THADA: variants seen among roughly 807,000 people sequenced by gnomAD.
The protein encoded by THADA is tRNA (32-2'-O)-methyltransferase regulator THADA.
THADA carries 213 observed loss-of-function variants against 219.8 expected under a neutral mutation model. The ratio of observed to expected loss-of-function variants is 0.97; its 90% CI spans 0.87 to 1.09. The LOEUF (loss-of-function observed/expected upper bound fraction) is 1.09, where lower values mean the gene tolerates loss of function less well. Ranked by LOEUF, THADA falls within the 50% of genes least tolerant of loss-of-function variation. The pLI, the probability that THADA is intolerant of heterozygous loss-of-function variation, is 0.00. For missense variants in THADA, 2,956 were observed against 2,311.3 expected (o/e 1.28, Z -5.72); for synonymous variants, 1,018 against 828.9 (o/e 1.23, Z -3.92).
At chr2:43,273,612 A>G (rs1449223914) in intron 36 of THADA, among the ~76,000 whole-genome samples, 2 of 152,104 alleles carry the variant, frequency 1.3e-5, no homozygotes, top group African/African-American at 4.8e-5. Context: ...GGAACTGAAA[A>G]AAGCACAGGG....
At chr2:43,460,238 T>TAAAAAA (rs10560565) in intron 26 of THADA, among the ~76,000 whole-genome samples, 10 of 63,540 alleles carry the variant, frequency 1.6e-4, no homozygotes, top group Admixed American at 2.2e-4. Flanking sequence ...TTTCTCTTAA[T>TAAAAAA]AAAAAAAAAA....
At chr2:43,583,596 G>A (rs1485661015) in intron 7 of THADA, among the ~76,000 whole-genome samples, 11 of 152,166 alleles carry the variant, frequency 7.2e-5, no homozygotes, top group Non-Finnish European at 1.5e-5. Context: ...GAGACTCAAA[G>A]ATATACTTGT....
At chr2:43,534,849 G>A (rs551213483) in intron 21 of THADA, among the ~76,000 whole-genome samples, 2 of 152,138 alleles carry the variant, frequency 1.3e-5, no homozygotes, top group African/African-American at 4.8e-5. Flanking sequence ...CCTTCTCCTT[G>A]GATAAATGCC....
intron 9 of THADA, among the ~76,000 whole-genome samples, chr2:43,578,175 C>A (rs1574341931): frequency 1.3e-5 from 2 of 150,188 alleles, no homozygotes; most frequent in East Asian, 3.9e-4. Flanking sequence ...TTTTAAGAGA[C>A]AAGGTCTCAC....
intron 8 of THADA, among the ~76,000 whole-genome samples, chr2:43,580,732 T>C (rs1434695305): frequency 1.3e-5 from 2 of 151,296 alleles, no homozygotes; most frequent in African/African-American, 4.9e-5. Flanking sequence ...AAAAAAAAAT[T>C]AGCCAGGCGT....
chr2:43,371,788 C>G (rs919944343), intron 29 of THADA, among the ~76,000 whole-genome samples: 1 of 152,132 alleles, frequency 6.6e-6, no homozygotes, highest in Non-Finnish European at 1.5e-5. Context: ...AACCTCCACA[C>G]GCAATTTGGC....
intron 28 of THADA, among the ~76,000 whole-genome samples, chr2:43,404,223 C>T (rs960739784): frequency 3.3e-5 from 5 of 152,022 alleles, no homozygotes; most frequent in Non-Finnish European, 4.4e-5. Context: ...GACAGGGTCT[C>T]GCTCTGTCAC....
intron 10 of THADA, 56 bp from the exon 11 acceptor site, chr2:43,575,083 C>T: frequency 8.0e-7 from 1 of 1,253,792 alleles, no homozygotes; most frequent in South Asian, 1.8e-5. Context: ...AAAGAAATTT[C>T]ATTTTATAAC....
intron 26 of THADA, among the ~76,000 whole-genome samples, chr2:43,479,155 C>G (rs1386662467): frequency 6.6e-6 from 1 of 152,160 alleles, no homozygotes; most frequent in East Asian, 1.9e-4. Flanking sequence ...AATTAAAGCA[C>G]CTCTTTGAGA....
chr2:43,308,575 G>A (rs907128503), intron 31 of THADA, among the ~76,000 whole-genome samples: 2 of 151,866 alleles, frequency 1.3e-5, no homozygotes, highest in Non-Finnish European at 2.9e-5. Context: ...GGTGGCATGT[G>A]CCTGTAGTCC....
At chr2:43,416,263 C>A (rs1430007896) in intron 28 of THADA, among the ~76,000 whole-genome samples, 1 of 152,152 alleles carries the variant, frequency 6.6e-6, no homozygotes, top group Non-Finnish European at 1.5e-5. Context: ...TTTGTAAATT[C>A]TTTTCTTGTC....
At chr2:43,261,151 A>C (rs1262408297) in intron 36 of THADA, among the ~76,000 whole-genome samples, 1 of 150,668 alleles carries the variant, frequency 6.6e-6, no homozygotes, top group Non-Finnish European at 1.5e-5. Flanking sequence ...TTGTTTGCCT[A>C]ATATTATTAT....
chr2:43,505,642 T>C lies in THADA; in HGVS notation c.3601A>G (p.Ile1201Val), dbSNP rs749601221. ...ATTACCTGGGGGACTGTACTCTGTA[T>C]GTCATCTGTAGGCCCAGCCAAAGAG... ...LISLAGPTDD[I>V]QSTVPQVHAL... is the part of the protein sequence containing the mutation. The change falls in exon 24 of 38, where the codon ATA becomes GTA. Residue 1201 changes from isoleucine to valine, a missense_variant. Ile to Val is a conservative substitution (Grantham distance 29). Transcript: ENST00000405975. 1.2e-5 allele frequency: 19 copies of C among 1,594,876 alleles called. No individual in the cohort carries two copies. The Admixed American group carries it at 3.0e-4, about 25-fold the overall frequency.
chr2:43,547,897 G>A (rs1357053746), intron 20 of THADA, among the ~76,000 whole-genome samples: 6 of 152,142 alleles, frequency 3.9e-5, no homozygotes, highest in Admixed American at 6.5e-5. Flanking sequence ...GCTTTGTTCC[G>A]TTGCTGGTGA....
chr2:43,516,070 G>C (rs1386612149), intron 22 of THADA, among the ~76,000 whole-genome samples: 3 of 152,018 alleles, frequency 2.0e-5, no homozygotes, highest in Admixed American at 6.6e-5. Flanking sequence ...AACAAACCTT[G>C]CCTGCTCTAT....
intron 26 of THADA, among the ~76,000 whole-genome samples, chr2:43,449,132 C>A (rs1479294211): frequency 1.3e-5 from 2 of 151,704 alleles, no homozygotes; most frequent in Admixed American, 1.3e-4. Context: ...AGATAGAAAC[C>A]TAAAAAGAAA....
At chr2:43,362,881 T>A (rs879364317) in intron 29 of THADA, among the ~76,000 whole-genome samples, 5 of 150,798 alleles carry the variant, frequency 3.3e-5, no homozygotes, top group Admixed American at 6.6e-5. Flanking sequence ...TTTTAAATTT[T>A]ATGTTTTTAC....
chr2:43,284,869 GC>G (rs1398228871), intron 35 of THADA, among the ~76,000 whole-genome samples: 2 of 152,228 alleles, frequency 1.3e-5, no homozygotes, highest in Admixed American at 1.3e-4. Flanking sequence ...GCATCAGCAT[GC>G]CCTGGATGTG....
At chr2:43,326,280 TTGTC>T (rs1218883700) in intron 30 of THADA, among the ~76,000 whole-genome samples, 1 of 151,986 alleles carries the variant, frequency 6.6e-6, no homozygotes, top group East Asian at 1.9e-4. Context: ...GAGTAACTGT[TTGTC>T]TGGGTGAGTC....
Sources: allele counts gnomAD v4.1 joint callset (sites outside exome capture counted in the v4.1 genomes callset), GRCh38; gene constraint gnomAD v4.1.1; transcripts MANE v1.5; gene names NCBI Gene and HGNC (gene_info 2026-07-23, HGNC 2026-07-21).